PPARGC1A: variants seen among roughly 807,000 people sequenced by gnomAD.
PPARGC1A encodes the protein peroxisome proliferator-activated receptor gamma coactivator 1-alpha.
Under a neutral mutation model 88.7 loss-of-function variants are expected in PPARGC1A, and 25 were observed. The ratio of observed to expected loss-of-function variants is 0.28; its 90% CI spans 0.21 to 0.39. The LOEUF (loss-of-function observed/expected upper bound fraction) is 0.39. Among genes scored for constraint, PPARGC1A ranks in the 10% least tolerant of loss-of-function variants. PPARGC1A has a pLI of 1.00. For missense variants in PPARGC1A, 880 were observed against 968.7 expected, an observed-to-expected ratio of 0.91 and a Z score of 1.22; for synonymous variants, 363 against 355.6, an observed-to-expected ratio of 1.02 and a Z score of -0.24.
chr4:24,035,436 G>A, the PPARGC1A span, among the ~76,000 whole-genome samples: 1 of 151,982 alleles, frequency 6.6e-6, no homozygotes, highest in Admixed American at 6.6e-5. Context: ...AGCTACTCAG[G>A]AGGCTGAGGC....
chr4:24,450,078 T>C, the PPARGC1A span, among the ~76,000 whole-genome samples: 1 of 152,226 alleles, frequency 6.6e-6, no homozygotes, highest in Admixed American at 6.5e-5. Flanking sequence ...AATATTTTAT[T>C]GAAACTTACC....
At chr4:23,964,680 G>A in the PPARGC1A span, among the ~76,000 whole-genome samples, 1 of 152,184 alleles carries the variant, frequency 6.6e-6, no homozygotes, top group African/African-American at 2.4e-5. Context: ...AGATCACACA[G>A]GAATGTGTGT....
At chr4:24,420,543 C>T in the PPARGC1A span, among the ~76,000 whole-genome samples, 1 of 152,084 alleles carries the variant, frequency 6.6e-6, no homozygotes, top group African/African-American at 2.4e-5. Flanking sequence ...GGATCATGTC[C>T]ACACTCCCGG....
the PPARGC1A span, among the ~76,000 whole-genome samples, chr4:24,437,079 A>G: frequency 6.6e-6 from 1 of 152,254 alleles, no homozygotes; most frequent in Admixed American, 6.5e-5. Context: ...GAAAGTCACA[A>G]GTTCTCCCTT....
chr4:23,938,361 C>T, the PPARGC1A span, among the ~76,000 whole-genome samples: 5 of 152,280 alleles, frequency 3.3e-5, no homozygotes, highest in South Asian at 6.2e-4. Context: ...TCTGGTCCAA[C>T]AATTTTCTAG....
the PPARGC1A span, among the ~76,000 whole-genome samples, chr4:24,322,897 T>C: frequency 6.6e-6 from 1 of 152,258 alleles, no homozygotes; most frequent in African/African-American, 2.4e-5. Flanking sequence ...GTACAATATT[T>C]TGAATAGCAA....
At chr4:24,049,340 A>T in the PPARGC1A span, among the ~76,000 whole-genome samples, 1 of 137,988 alleles carries the variant, frequency 7.2e-6, no homozygotes, top group African/African-American at 2.6e-5. Flanking sequence ...GTGTGTATAT[A>T]TATATATATG....
chr4:24,298,479 C>G, the PPARGC1A span, among the ~76,000 whole-genome samples: 3 of 152,096 alleles, frequency 2.0e-5, no homozygotes, highest in Non-Finnish European at 4.4e-5. Context: ...TATGTAGCAA[C>G]CACTCCATAA....
At chr4:24,453,541 G>A in the PPARGC1A span, among the ~76,000 whole-genome samples, 7 of 152,354 alleles carry the variant, frequency 4.6e-5, no homozygotes, top group Middle Eastern at 6.8e-3. Flanking sequence ...AGCACTTTGG[G>A]AGGCCAAGTG....
At chr4:23,895,151 G>A (rs937844215) in intron 1 of PPARGC1A, among the ~76,000 whole-genome samples, 3 of 77,090 alleles carry the variant, frequency 3.9e-5, no homozygotes, top group East Asian at 8.3e-4. Flanking sequence ...TACACAAATT[G>A]TTTAACTGAA....
chr4:23,861,708 A>G (rs1278352204), intron 2 of PPARGC1A, among the ~76,000 whole-genome samples: 2 of 152,232 alleles, frequency 1.3e-5, no homozygotes, highest in Non-Finnish European at 2.9e-5. Context: ...GAAAAAATGC[A>G]TAACACAAAT....
At chr4:24,203,296 T>C in the PPARGC1A span, among the ~76,000 whole-genome samples, 1 of 152,268 alleles carries the variant, frequency 6.6e-6, no homozygotes, top group African/African-American at 2.4e-5. Flanking sequence ...CCCAGCACTT[T>C]GGGAGGCCAA....
chr4:23,960,371 CA>C, the PPARGC1A span, among the ~76,000 whole-genome samples: 1 of 151,996 alleles, frequency 6.6e-6, no homozygotes, highest in African/African-American at 2.4e-5. Context: ...CCTCACACAA[CA>C]AAAAAATTAC....
At chr4:24,388,870 A>T in the PPARGC1A span, among the ~76,000 whole-genome samples, 1 of 152,186 alleles carries the variant, frequency 6.6e-6, no homozygotes, top group Non-Finnish European at 1.5e-5. Context: ...CCTAATGTAG[A>T]TGACGGGTTG....
At chr4:24,457,007 G>C in the PPARGC1A span, among the ~76,000 whole-genome samples, 3 of 152,202 alleles carry the variant, frequency 2.0e-5, no homozygotes, top group Non-Finnish European at 2.9e-5. Context: ...CCAAGGGACT[G>C]AGCCTTCATG....
the PPARGC1A span, among the ~76,000 whole-genome samples, chr4:24,287,301 C>G: frequency 6.7e-3 from 1,020 of 152,190 alleles, 8 homozygotes; most frequent in Non-Finnish European, 0.011. Flanking sequence ...GTCACAAAAT[C>G]TCACACTCAA....
At chr4:24,057,181 A>T in the PPARGC1A span, among the ~76,000 whole-genome samples, 7 of 152,232 alleles carry the variant, frequency 4.6e-5, no homozygotes, top group African/African-American at 1.7e-4. Flanking sequence ...CATTATGCTA[A>T]GTGAAATAAG....
the PPARGC1A span, among the ~76,000 whole-genome samples, chr4:24,278,017 T>A: frequency 1.3e-5 from 2 of 151,872 alleles, no homozygotes; most frequent in Non-Finnish European, 2.9e-5. Context: ...TCTATAAAAA[T>A]TTTGAAAATA....
the PPARGC1A span, among the ~76,000 whole-genome samples, chr4:24,013,379 C>T: frequency 1.3e-5 from 2 of 152,104 alleles, no homozygotes; most frequent in African/African-American, 4.8e-5. Context: ...GTCCAAATAT[C>T]ACTTCCCAAG....
Sources: gnomAD v4.1 joint callset for allele counts (sites outside exome capture counted in the v4.1 genomes callset) on GRCh38, gnomAD v4.1.1 for gene constraint, MANE v1.5 for transcripts, NCBI Gene and HGNC (gene_info 2026-07-23, HGNC 2026-07-21) for gene names.